Variants in EPB41L4A observed in about 807,000 individuals in gnomAD.
EPB41L4A encodes erythrocyte membrane protein band 4.1 like 4A.
In EPB41L4A, 100 loss-of-function variants were observed where a neutral mutation model predicts 108.6. That is an observed-to-expected ratio of 0.92 (90% CI 0.78 to 1.09). The LOEUF is 1.09. Ranked by LOEUF, EPB41L4A falls within the 50% of genes least tolerant of loss-of-function variation. EPB41L4A has a pLI of 0.00. For missense variants in EPB41L4A, 1,030 were observed against 842.7 expected, an observed-to-expected ratio of 1.22 and a Z score of -2.75; for synonymous variants, 319 against 289.0, an observed-to-expected ratio of 1.10 and a Z score of -1.05.
chr5:112,413,109 A>G (rs1204121499), intron 1 of EPB41L4A, among the ~76,000 whole-genome samples: 2 of 152,246 alleles, frequency 1.3e-5, no homozygotes, highest in East Asian at 3.8e-4. Flanking sequence ...TCACTAAAGT[A>G]TGAGGATCTA....
chr5:112,303,712 A>G (rs1754518548), intron 2 of EPB41L4A, among the ~76,000 whole-genome samples: 1 of 152,190 alleles, frequency 6.6e-6, no homozygotes, highest in Admixed American at 6.5e-5. Flanking sequence ...AGCAACTGGC[A>G]AGGCAGGGCC....
chr5:112,375,976 A>G (rs1215411301), intron 1 of EPB41L4A, among the ~76,000 whole-genome samples: 1 of 152,216 alleles, frequency 6.6e-6, no homozygotes, highest in East Asian at 1.9e-4. Flanking sequence ...AACTGTCCCC[A>G]GGGGTTGGCT....
chr5:112,225,596 T>C (rs887455599), intron 12 of EPB41L4A, among the ~76,000 whole-genome samples: 1 of 152,186 alleles, frequency 6.6e-6, no homozygotes, highest in African/African-American at 2.4e-5. Context: ...ATCCCCATTC[T>C]CTCAGAAACG....
chr5:112,301,152 T>C lies in EPB41L4A; in HGVS notation c.204+6234A>G, dbSNP rs575471036. Among the ~76,000 whole-genome samples, 4 of 152,306 alleles carry C rather than the reference T, an allele frequency of 2.6e-5. No individual in the cohort carries two copies. The East Asian group carries it at 5.8e-4, about 22-fold the overall frequency. On this transcript the variant is annotated intron_variant, in intron 2 of 22. Coordinates refer to ENST00000261486, the MANE Select transcript of EPB41L4A (RefSeq NM_022140.5). ...TCTTCTAAATGCTTTTTCAGGTCAA[T>C]CAGGGACTTTTTCTCGGTTTAGATC... is the stretch of plus-strand genomic sequence containing the variant.
At chr5:112,290,412 G>A (rs142945670) in intron 2 of EPB41L4A, among the ~76,000 whole-genome samples, 1 of 152,002 alleles carries the variant, frequency 6.6e-6, no homozygotes. Flanking sequence ...AAATCTCTTA[G>A]GACCAGGGCA....
chr5:112,197,881 T>C (rs1041948681), intron 15 of EPB41L4A, among the ~76,000 whole-genome samples: 1 of 152,196 alleles, frequency 6.6e-6, no homozygotes, highest in Non-Finnish European at 1.5e-5. Flanking sequence ...ATACACTTTT[T>C]TGGAACCCAA....
intron 1 of EPB41L4A, among the ~76,000 whole-genome samples, chr5:112,339,347 A>T (rs1412290630): frequency 2.0e-5 from 3 of 151,962 alleles, no homozygotes; most frequent in African/African-American, 7.3e-5. Context: ...TATAGGACTG[A>T]AGTATACAGT....
chr5:112,362,055 G>A (rs1165934767), intron 1 of EPB41L4A, among the ~76,000 whole-genome samples: 2 of 152,074 alleles, frequency 1.3e-5, no homozygotes, highest in Non-Finnish European at 2.9e-5. Context: ...TCTACCATTA[G>A]ACAAAGGATC....
chr5:112,386,856 A>G (rs998565257), intron 1 of EPB41L4A, among the ~76,000 whole-genome samples: 10 of 152,236 alleles, frequency 6.6e-5, no homozygotes, highest in African/African-American at 2.4e-4. Context: ...GGCAAAAGCT[A>G]TCCAGTGAAG....
intron 9 of EPB41L4A, chr5:112,249,211 C>G (rs923035557): frequency 6.6e-6 from 1 of 152,164 alleles, no homozygotes; most frequent in African/African-American, 2.4e-5. Flanking sequence ...AATTACAAGT[C>G]TAAAGTACTG....
intron 12 of EPB41L4A, among the ~76,000 whole-genome samples, chr5:112,222,778 C>T (rs576091422): frequency 1.3e-5 from 2 of 152,146 alleles, no homozygotes; most frequent in Admixed American, 6.5e-5. Context: ...GGAATCTGGG[C>T]GGTTTCCTCA....
At chr5:112,321,652 A>G (rs1021032440) in intron 1 of EPB41L4A, among the ~76,000 whole-genome samples, 1 of 152,224 alleles carries the variant, frequency 6.6e-6, no homozygotes, top group African/African-American at 2.4e-5. Context: ...CCCTGGTCTT[A>G]ATGTACCACA....
At chr5:112,416,101 A>G (rs1383345709) in intron 1 of EPB41L4A, among the ~76,000 whole-genome samples, 1 of 151,574 alleles carries the variant, frequency 6.6e-6, no homozygotes, top group Non-Finnish European at 1.5e-5. Flanking sequence ...AGGCTGAAAC[A>G]CTTTTCATGA....
At chr5:112,179,589 A>T (rs1044403466) in intron 18 of EPB41L4A, among the ~76,000 whole-genome samples, 7 of 152,180 alleles carry the variant, frequency 4.6e-5, no homozygotes, top group African/African-American at 1.7e-4. Flanking sequence ...ATCTCAACAG[A>T]TGCAGAAAAA....
chr5:112,170,529 T>C (rs563350143), intron 19 of EPB41L4A, among the ~76,000 whole-genome samples, 160 bp from the exon 20 acceptor site: 1 of 152,070 alleles, frequency 6.6e-6, no homozygotes, highest in Non-Finnish European at 1.5e-5. Flanking sequence ...CAAGGAAAAA[T>C]AGGAGGGGTA....
chr5:112,369,067 G>T (rs1015889745), intron 1 of EPB41L4A, among the ~76,000 whole-genome samples: 5 of 152,196 alleles, frequency 3.3e-5, no homozygotes, highest in Admixed American at 1.3e-4. Context: ...TATTTAGATG[G>T]CTGTTTGGTT....
At chr5:112,224,923 A>G (rs1395105513) in intron 12 of EPB41L4A, among the ~76,000 whole-genome samples, 4 of 152,250 alleles carry the variant, frequency 2.6e-5, no homozygotes, top group African/African-American at 7.2e-5. Flanking sequence ...ATTCTAGGTC[A>G]GAATGTCTTG....
At chr5:112,262,912 C>T (rs1431709511) in intron 6 of EPB41L4A, among the ~76,000 whole-genome samples, 1 of 152,150 alleles carries the variant, frequency 6.6e-6, no homozygotes, top group Non-Finnish European at 1.5e-5. Context: ...CCATCCCCTT[C>T]ACAAAGAGTA....
intron 15 of EPB41L4A, among the ~76,000 whole-genome samples, chr5:112,202,013 G>C (rs915623728): frequency 9.2e-5 from 14 of 152,192 alleles, no homozygotes; most frequent in African/African-American, 3.1e-4. Flanking sequence ...CTACTGCAGA[G>C]ATAGAAAGCC....
Sources: gnomAD v4.1 joint callset for allele counts (sites outside exome capture counted in the v4.1 genomes callset) on GRCh38, gnomAD v4.1.1 for gene constraint, MANE v1.5 for transcripts, NCBI Gene and HGNC (gene_info 2026-07-23, HGNC 2026-07-21) for gene names.